UNC79: variants seen among roughly 807,000 people sequenced by gnomAD.
UNC79 encodes the protein protein unc-79 homolog.
In UNC79, 37 loss-of-function variants were observed where a neutral mutation model predicts 283.1. The ratio of observed to expected loss-of-function variants is 0.13; its 90% CI spans 0.10 to 0.17. The LOEUF (loss-of-function observed/expected upper bound fraction) is 0.17, where lower values mean the gene tolerates loss of function less well. Among genes scored for constraint, UNC79 ranks in the 10% least tolerant of loss-of-function variants. UNC79 has a pLI of 1.00. For missense variants in UNC79, 2,272 were observed against 3,211.1 expected, an observed-to-expected ratio of 0.71 and a Z score of 7.07; for synonymous variants, 1,107 against 1,200.2, an observed-to-expected ratio of 0.92 and a Z score of 1.61.
At chr14:93,384,469 C>T (rs1357568648) in intron 1 of UNC79, among the ~76,000 whole-genome samples, 1 of 152,178 alleles carries the variant, frequency 6.6e-6, no homozygotes, top group Admixed American at 6.5e-5. Context: ...AGCACCTTTT[C>T]AATACTCCTG....
In UNC79 at chr14:93,348,820, T is replaced by G. The variant is rs557962595; in HGVS notation, c.-351+15297T>G. Among the ~76,000 whole-genome samples the G allele has an allele frequency of 1.3e-4, 20 of 152,324 alleles. No individual in the cohort carries two copies. In the East Asian group the frequency reaches 3.7e-3, roughly 28 times the overall value. The stretch of plus-strand genomic sequence containing the variant: ...TTATCTCTGTAATGGGGACTTAAAA[T>G]TGCTGTCTTGAAGTGATGTTGTGGA... On this transcript the variant is annotated intron_variant, in intron 1 of 49. Transcript: ENST00000256339.
chr14:93,620,220 A>G (rs1039143021), intron 29 of UNC79, among the ~76,000 whole-genome samples: 4 of 152,206 alleles, frequency 2.6e-5, no homozygotes, highest in Admixed American at 2.0e-4. Context: ...TCTTACTTTA[A>G]TAGGAGGAAA....
intron 46 of UNC79, 117 bp from the exon 50 acceptor site, chr14:93,694,218 G>A (rs2074922196): frequency 3.7e-6 from 3 of 817,662 alleles, no homozygotes; most frequent in African/African-American, 1.7e-5. Context: ...GTCTCCTACG[G>A]TCATTACACA....
At chr14:93,439,329 A>G (rs1184670181) in intron 1 of UNC79, among the ~76,000 whole-genome samples, 1 of 151,578 alleles carries the variant, frequency 6.6e-6, no homozygotes, top group Non-Finnish European at 1.5e-5. Flanking sequence ...GTAAGATATT[A>G]TTTTGGGCTG....
At chr14:93,584,077 G>A (rs1474458695) in intron 20 of UNC79, among the ~76,000 whole-genome samples, 2 of 152,064 alleles carry the variant, frequency 1.3e-5, no homozygotes, top group African/African-American at 4.8e-5. Flanking sequence ...AAAGAGCTAG[G>A]ATTACAGCAT....
chr14:93,375,603 G>C (rs2054539648), intron 1 of UNC79, among the ~76,000 whole-genome samples: 1 of 152,122 alleles, frequency 6.6e-6, no homozygotes, highest in African/African-American at 2.4e-5. Flanking sequence ...AGTGGCTTCT[G>C]CTTCTGGGGA....
chr14:93,653,121 A>G (rs1405978774), intron 35 of UNC79, among the ~76,000 whole-genome samples: 2 of 152,022 alleles, frequency 1.3e-5, no homozygotes, highest in Non-Finnish European at 2.9e-5. Flanking sequence ...CCCTAACTAC[A>G]TCAAGAAGCA....
chr14:93,666,270 G>C (rs1355176152), intron 40 of UNC79, among the ~76,000 whole-genome samples: 1 of 152,012 alleles, frequency 6.6e-6, no homozygotes, highest in Non-Finnish European at 1.5e-5. Context: ...AAGACAAAAA[G>C]AGAAGCATAG....
At chr14:93,647,881 G>A (rs913479531) in intron 35 of UNC79, among the ~76,000 whole-genome samples, 7 of 152,182 alleles carry the variant, frequency 4.6e-5, no homozygotes, top group East Asian at 1.9e-4. Context: ...GCAAAGGGAC[G>A]TCTTACATGG....
intron 1 of UNC79, among the ~76,000 whole-genome samples, chr14:93,342,323 G>A (rs748061154): frequency 4.6e-5 from 7 of 152,210 alleles, no homozygotes; most frequent in Non-Finnish European, 1.0e-4. Context: ...CTGAAGCAAT[G>A]ACTCAAGCTC....
In UNC79 at chr14:93,617,410, A is replaced by ATCTT; in HGVS notation, c.4224+106_4224+107insTCTT. ...TAGTTGAAAATTTTGTAGAAGTTTG[A>ATCTT]CCTTCAGAAGGAAGATCAGGATATG... is the stretch of plus-strand genomic sequence containing the variant. On this transcript the variant is annotated intron_variant, in intron 28 of 48. Transcript: ENST00000555664. The surrounding 1 kb of genome is among the most constrained non-coding windows in gnomAD (Gnocchi z 4.5). 8.0e-7 allele frequency: 1 copy of ATCTT among 1,254,294 alleles called. No individual in the cohort carries two copies. The highest frequency in any genetic ancestry group is 1.1e-6 in the Non-Finnish European group (1 of 918,950). The allele number at this position is 1,254,294 out of a possible 1,614,324, so 77.7% of individuals were successfully genotyped here.
At position 93,467,659 on chromosome 14, in the gene UNC79, G is replaced by GTT; in HGVS notation, c.23-12_23-11insTT. ...TTTTTTTTTTTTTTTTTTTTTTTTT[G>GTT]CTTTTATCTAGTTGCTTCCAAGATC... On this transcript the variant is annotated splice_polypyrimidine_tract_variant and intron_variant, in intron 1 of 48. Transcript: ENST00000555664. 3 of 227,816 alleles carry GTT rather than the reference G, an allele frequency of 1.3e-5. No homozygotes were observed. Among genetic ancestry groups the GTT allele is most frequent in the East Asian group, 1.5e-4 (1 of 6,802 alleles). 14.1% of individuals were successfully genotyped at this position (227,816 alleles called of 1,614,324 possible). A position where few individuals can be genotyped will look rare whatever the true frequency, so the allele number is the denominator to read the frequency against.
intron 17 of UNC79, among the ~76,000 whole-genome samples, chr14:93,575,965 A>G (rs1018297699): frequency 5.3e-5 from 8 of 152,234 alleles, no homozygotes; most frequent in Non-Finnish European, 1.0e-4. Flanking sequence ...ATGGGTTTGC[A>G]TTCAGTGTTT....
At chr14:93,403,298 G>A (rs1349263749) in intron 1 of UNC79, among the ~76,000 whole-genome samples, 4 of 152,188 alleles carry the variant, frequency 2.6e-5, no homozygotes, top group South Asian at 2.1e-4. Context: ...GTGAAGATAA[G>A]CTATGAATTT....
chr14:93,691,699 C>T (rs2074713834), intron 45 of UNC79, 50 bp from the exon 49 acceptor site: 6 of 1,604,064 alleles, frequency 3.7e-6, no homozygotes, highest in Non-Finnish European at 5.1e-6. Context: ...CCGTGGAGGG[C>T]CACAGCCTGC....
At chr14:93,451,983 A>T (rs777870696) in intron 1 of UNC79, among the ~76,000 whole-genome samples, 1 of 152,034 alleles carries the variant, frequency 6.6e-6, no homozygotes, top group Non-Finnish European at 1.5e-5. Flanking sequence ...ATTTGGTGAC[A>T]TTTTAGTTGT....
At chr14:93,399,297 A>G (rs1476045908) in intron 1 of UNC79, among the ~76,000 whole-genome samples, 1 of 152,192 alleles carries the variant, frequency 6.6e-6, no homozygotes, top group African/African-American at 2.4e-5. Flanking sequence ...GCCAAACCAT[A>G]TCACATGGGA....
chr14:93,409,514 G>C (rs1269129577), intron 1 of UNC79, among the ~76,000 whole-genome samples: 1 of 152,048 alleles, frequency 6.6e-6, no homozygotes, highest in African/African-American at 2.4e-5. Flanking sequence ...AACATAGTGA[G>C]ACCTCCGTCT....
chr14:93,567,792 T>G (rs973193640), intron 14 of UNC79, among the ~76,000 whole-genome samples: 1 of 152,224 alleles, frequency 6.6e-6, no homozygotes, highest in Non-Finnish European at 1.5e-5. Flanking sequence ...GTTGAGGATG[T>G]GCACCTGTGA....
Sources: gnomAD v4.1 joint callset for allele counts (sites outside exome capture counted in the v4.1 genomes callset) on GRCh38, gnomAD v4.1.1 for gene constraint, Gnocchi (gnomAD v3.1) non-coding constraint, MANE v1.5 for transcripts, NCBI Gene and HGNC (gene_info 2026-07-23, HGNC 2026-07-21) for gene names.